The following SLC2A12 variants were observed in gnomAD, a reference collection of about 807,000 sequenced individuals.
SLC2A12 encodes the protein solute carrier family 2, facilitated glucose transporter member 12.
Under a neutral mutation model 41.8 loss-of-function variants are expected in SLC2A12, and 23 were observed. The observed-to-expected ratio is 0.55, with a 90% CI of 0.40 to 0.78. The LOEUF (loss-of-function observed/expected upper bound fraction) is 0.78. Among genes scored for constraint, SLC2A12 ranks in the 30% least tolerant of loss-of-function variants. The pLI, the probability that SLC2A12 is intolerant of heterozygous loss-of-function variation, is 0.00. For synonymous variants in SLC2A12, 295 were observed against 285.9 expected (o/e 1.03, Z -0.32); for missense variants, 654 against 745.6 (o/e 0.88, Z 1.43).
intron 1 of SLC2A12, among the ~76,000 whole-genome samples, chr6:134,036,057 T>G (rs1777294211): frequency 6.6e-6 from 1 of 152,250 alleles, no homozygotes; most frequent in South Asian, 2.1e-4. Context: ...CTTCTTCTCT[T>G]TCTTCCCCAT....
At chr6:134,005,028 A>T (rs1316773025) in intron 3 of SLC2A12, among the ~76,000 whole-genome samples, 2 of 152,128 alleles carry the variant, frequency 1.3e-5, no homozygotes, top group African/African-American at 4.8e-5. Context: ...TTTAGGCTTT[A>T]TTTATTTATT....
At chr6:134,005,659 T>TAAAAAAAAAAAAAAAAAAAAAAAAA (rs56710009) in intron 3 of SLC2A12, among the ~76,000 whole-genome samples, 1 of 64,960 alleles carries the variant, frequency 1.5e-5, no homozygotes, top group Non-Finnish European at 2.7e-5. Flanking sequence ...GACTCTGTCT[T>TAAAAAAAAAAAAAAAAAAAAAAAAA]AAAAAAAAAA....
At chr6:133,994,084 G>A (rs1253025438) in intron 4 of SLC2A12, among the ~76,000 whole-genome samples, 1 of 152,200 alleles carries the variant, frequency 6.6e-6, no homozygotes, top group Non-Finnish European at 1.5e-5. Context: ...GGAGATCATG[G>A]TGACTCAGAC....
At chr6:134,031,145 A>C (rs1777200732) in intron 1 of SLC2A12, among the ~76,000 whole-genome samples, 1 of 152,164 alleles carries the variant, frequency 6.6e-6, no homozygotes, top group African/African-American at 2.4e-5. Context: ...TAATCCCAGC[A>C]CTTTGGGAGG....
chr6:134,020,475 A>C (rs1777026478), intron 2 of SLC2A12, among the ~76,000 whole-genome samples: 1 of 152,212 alleles, frequency 6.6e-6, no homozygotes, highest in Non-Finnish European at 1.5e-5. Flanking sequence ...AACTCCAACT[A>C]GTTTATATAG....
chr6:134,046,412 A>G (rs1247686481), intron 1 of SLC2A12, among the ~76,000 whole-genome samples: 1 of 152,246 alleles, frequency 6.6e-6, no homozygotes, highest in Non-Finnish European at 1.5e-5. Context: ...GCAAAACAGT[A>G]TAAAATAAAT....
intron 4 of SLC2A12, among the ~76,000 whole-genome samples, chr6:133,993,037 C>T (rs557021421): frequency 1.3e-5 from 2 of 152,306 alleles, no homozygotes; most frequent in South Asian, 4.1e-4. Flanking sequence ...TGCTTGGCCT[C>T]TCCAGTCCCA....
chr6:133,993,420 C>A (rs763635441), intron 4 of SLC2A12, among the ~76,000 whole-genome samples: 2 of 152,212 alleles, frequency 1.3e-5, no homozygotes, highest in Non-Finnish European at 2.9e-5. Flanking sequence ...CACCATCTGT[C>A]CAGTTTCTCA....
chr6:134,026,890 T>C (rs561903279), intron 2 of SLC2A12, among the ~76,000 whole-genome samples: 1 of 152,040 alleles, frequency 6.6e-6, no homozygotes, highest in Non-Finnish European at 1.5e-5. Context: ...CACCTAACCC[T>C]TCTCTCTCTC....
intron 4 of SLC2A12, among the ~76,000 whole-genome samples, chr6:133,994,795 G>A (rs1776666863): frequency 1.3e-5 from 2 of 152,132 alleles, no homozygotes; most frequent in African/African-American, 2.4e-5. Flanking sequence ...AGTGGTCAGG[G>A]GACTAAGCCC....
chr6:134,032,110 C>T (rs1333438298), intron 1 of SLC2A12, among the ~76,000 whole-genome samples: 3 of 151,858 alleles, frequency 2.0e-5, no homozygotes, highest in African/African-American at 7.3e-5. Flanking sequence ...GTGAAATAAG[C>T]AGGTCAAATA....
chr6:133,987,644 G>GTATA lies in SLC2A12; in HGVS notation c.*3510_*3511insTATA, dbSNP rs1312448310. The GTATA allele has an allele frequency of 6.0e-4, 77 of 128,736 alleles. 1 individual carries two copies. Among genetic ancestry groups the GTATA allele is most frequent in the African/African-American group, 2.4e-3 (74 of 31,272 alleles). 8.0% of individuals were successfully genotyped at this position (128,736 alleles called of 1,614,324 possible). On this transcript the variant is annotated 3_prime_UTR_variant, in exon 5 of 5. Transcript: ENST00000275230. ...GTATTTTGTGTGTGTGTGTGTGTGT[G>GTATA]TGTGTATATATATATATATATATGC...
At chr6:134,048,372 G>A (rs1419891176) in intron 1 of SLC2A12, among the ~76,000 whole-genome samples, 3 of 152,096 alleles carry the variant, frequency 2.0e-5, no homozygotes, top group South Asian at 2.1e-4. Context: ...CAAGGTAGGC[G>A]GATCACCTGA....
At chr6:134,024,117 A>C (rs1777082008) in intron 2 of SLC2A12, among the ~76,000 whole-genome samples, 1 of 152,234 alleles carries the variant, frequency 6.6e-6, no homozygotes, top group Non-Finnish European at 1.5e-5. Context: ...GAGTTTGGCC[A>C]GATCTCCTCC....
In SLC2A12 at chr6:133,991,228, G is replaced by A; in HGVS notation, c.1781C>T (p.Pro594Leu). 1.9e-6 allele frequency: 3 copies of A among 1,613,912 alleles called. No individual in the cohort carries two copies. Among genetic ancestry groups the A allele is most frequent in the Non-Finnish European group, 2.5e-6 (3 of 1,179,976 alleles). ...GTTACACTCCAAGAGCTGCTCCTGG[G>A]GTTTTCTTTTTTGAGGCTGTTTTGG... The part of the protein sequence containing the change: ...LVPKQPQKRK[P>L]QEQLLECNKL... Residue 594 changes from proline to leucine, a missense_variant, in exon 5 of 5, where the codon CCC (proline) becomes CTC (leucine). Pro to Leu is a moderately conservative substitution (Grantham distance 98). This residue lies in a region of SLC2A12 where 134 missense variants were observed against 180.5 expected (regional missense o/e 0.74). Coordinates refer to ENST00000275230, the MANE Select transcript of SLC2A12 (RefSeq NM_145176.3).
intron 1 of SLC2A12, among the ~76,000 whole-genome samples, chr6:134,048,093 C>G (rs535007645): frequency 1.3e-5 from 2 of 152,308 alleles, no homozygotes; most frequent in South Asian, 4.1e-4. Flanking sequence ...TTTTCCCTTC[C>G]CAAGAGATCC....
chr6:133,990,434 T>G lies in SLC2A12; in HGVS notation c.*721A>C, dbSNP rs1776604861. 6.6e-6 allele frequency: 1 copy of G among 152,652 alleles called. No individual in the cohort carries two copies. Among genetic ancestry groups the G allele is most frequent in the Non-Finnish European group, 1.5e-5 (1 of 68,034 alleles). 9.5% of individuals were successfully genotyped at this position (152,652 alleles called of 1,614,324 possible). A position where few individuals can be genotyped will look rare whatever the true frequency, so the allele number is the denominator to read the frequency against. ...AAATATGGTCCCAGGATTTTAAAATTGTCTTTTCTATGCATTTTTTAAAAA... is the reference window on the plus strand; with the variant it reads ...AAATATGGTCCCAGGATTTTAAAATGGTCTTTTCTATGCATTTTTTAAAAA... On this transcript the variant is annotated 3_prime_UTR_variant, in exon 5 of 5. Transcript: ENST00000275230.
intron 1 of SLC2A12, among the ~76,000 whole-genome samples, chr6:134,048,124 T>C (rs1001878234): frequency 6.6e-6 from 1 of 152,232 alleles, no homozygotes; most frequent in Admixed American, 6.5e-5. Context: ...ATTTGCCCAG[T>C]GCTCACAGTG....
intron 1 of SLC2A12, among the ~76,000 whole-genome samples, chr6:134,048,570 G>A (rs189783268): frequency 7.9e-5 from 12 of 152,130 alleles, no homozygotes; most frequent in Admixed American, 5.9e-4. Flanking sequence ...CTTCATCTCA[G>A]AAAAAACAAA....
Sources: gnomAD v4.1 joint callset for allele counts (sites outside exome capture counted in the v4.1 genomes callset) on GRCh38, gnomAD v4.1.1 for gene constraint, gnomAD v4.1.1 regional missense constraint, MANE v1.5 for transcripts, NCBI Gene and HGNC (gene_info 2026-07-23, HGNC 2026-07-21) for gene names.